Variants in CACNA1D observed in about 807,000 individuals in gnomAD.
The protein encoded by CACNA1D is calcium voltage-gated channel subunit alpha1 D.
A neutral mutation model predicts 257.1 loss-of-function variants in CACNA1D; 55 were observed. That is an observed-to-expected ratio of 0.21 (90% CI 0.17 to 0.27). The LOEUF (loss-of-function observed/expected upper bound fraction) is 0.27. Ranked by LOEUF, CACNA1D falls within the 10% of genes least tolerant of loss-of-function variation. The pLI, the probability that CACNA1D is intolerant of heterozygous loss-of-function variation, is 1.00. For synonymous variants in CACNA1D, 980 were observed against 1,014.9 expected (o/e 0.97, Z 0.65); for missense variants, 1,876 against 2,784.0 (o/e 0.67, Z 7.34).
At chr3:53,561,355 G>A (rs2092735398) in intron 3 of CACNA1D, among the ~76,000 whole-genome samples, 1 of 152,080 alleles carries the variant, frequency 6.6e-6, no homozygotes, top group Admixed American at 6.5e-5. Context: ...CATAACTCTG[G>A]GCAAACCTCT....
chr3:53,682,556 TA>T (rs56756710), intron 8 of CACNA1D, among the ~76,000 whole-genome samples: 46,022 of 143,728 alleles, frequency 0.32, 7,158 homozygotes, highest in Middle Eastern at 0.4. Context: ...GACCCTGTCT[TA>T]AAAAAAAAAA....
At chr3:53,738,313 T>G (rs1385504019) in intron 20 of CACNA1D, among the ~76,000 whole-genome samples, 1 of 152,192 alleles carries the variant, frequency 6.6e-6, no homozygotes, top group Non-Finnish European at 1.5e-5. Context: ...CACTCCGATA[T>G]GAAGAGAAAA....
chr3:53,572,878 T>C (rs1559860379), intron 3 of CACNA1D, among the ~76,000 whole-genome samples: 3 of 152,156 alleles, frequency 2.0e-5, no homozygotes, highest in Non-Finnish European at 4.4e-5. Flanking sequence ...TAGACCATCT[T>C]TATATGAACA....
At chr3:53,555,052 A>G (rs1430244151) in intron 3 of CACNA1D, among the ~76,000 whole-genome samples, 1 of 152,234 alleles carries the variant, frequency 6.6e-6, no homozygotes, top group Non-Finnish European at 1.5e-5. Context: ...ATGAAATAGA[A>G]TGAAGGTGAA....
chr3:53,708,939 G>A (rs2094720717), intron 9 of CACNA1D, among the ~76,000 whole-genome samples: 1 of 152,142 alleles, frequency 6.6e-6, no homozygotes, highest in African/African-American at 2.4e-5. Flanking sequence ...TATTTCCCAT[G>A]TTTTTAAAGC....
At chr3:53,716,916 A>T (rs2094825246) in intron 9 of CACNA1D, among the ~76,000 whole-genome samples, 1 of 152,168 alleles carries the variant, frequency 6.6e-6, no homozygotes, top group South Asian at 2.1e-4. Flanking sequence ...TGTTACCTTT[A>T]TGAAGTCTGC....
intron 28 of CACNA1D, 34 bp from the exon 29 acceptor site, chr3:53,753,538 G>A (rs1419438608): frequency 2.2e-6 from 3 of 1,361,490 alleles, no homozygotes; most frequent in Non-Finnish European, 2.1e-6. Flanking sequence ...CGTGGCTGAG[G>A]CTCTGAGAAC....
intron 3 of CACNA1D, among the ~76,000 whole-genome samples, chr3:53,602,874 A>C (rs1209031864): frequency 1.3e-5 from 2 of 152,170 alleles, no homozygotes; most frequent in African/African-American, 4.8e-5. Context: ...GATACTTTGC[A>C]AATGTTTTCT....
At chr3:53,607,695 C>T (rs2093530338) in intron 3 of CACNA1D, among the ~76,000 whole-genome samples, 1 of 152,204 alleles carries the variant, frequency 6.6e-6, no homozygotes. Context: ...CTCTATGATT[C>T]ATTTTGAGAT....
chr3:53,583,321 C>G (rs2093162532), intron 3 of CACNA1D, among the ~76,000 whole-genome samples: 1 of 152,002 alleles, frequency 6.6e-6, no homozygotes, highest in Admixed American at 6.5e-5. Flanking sequence ...CTGGTCCCTA[C>G]CTGACCCTCC....
rs186968009 is a variant in CACNA1D, at chr3:53,732,893, T to G, written c.2552T>G (p.Leu851Trp). ...CCCCGTCCTCGAAGGATCTCGGAGT[T>G]GAACATGAAGGAAAAAATTGCCCCC... Reference protein sequence around the residue: ...AGPRPRRISELNMKEKIAPIP... With the variant: ...AGPRPRRISEWNMKEKIAPIP... The change falls in exon 19 of 48, where the codon TTG becomes TGG. Residue 851 changes from leucine (L) to tryptophan (W), a missense_variant. By Grantham distance (61) the Leu-to-Trp change is moderately conservative (BLOSUM62 -2). This residue lies in a region of CACNA1D where 271 missense variants were observed against 425.5 expected (regional missense o/e 0.64). Coordinates refer to ENST00000350061, the MANE Select transcript of CACNA1D (RefSeq NM_001128840.3). 625 of 1,613,992 alleles carry G rather than the reference T, an allele frequency of 3.9e-4. No homozygotes were observed. Among genetic ancestry groups the G allele is most frequent in the South Asian group, 3.0e-3 (273 of 91,076 alleles).
chr3:53,741,010 C>G (rs541322033), intron 21 of CACNA1D, among the ~76,000 whole-genome samples: 1 of 152,200 alleles, frequency 6.6e-6, no homozygotes, highest in Non-Finnish European at 1.5e-5. Flanking sequence ...TACATTTACA[C>G]AAAAGGAGCG....
chr3:53,752,740 A>G (rs193131673), intron 28 of CACNA1D, among the ~76,000 whole-genome samples: 156 of 152,314 alleles, frequency 1.0e-3, no homozygotes, highest in African/African-American at 3.4e-3. Context: ...AGTAACACTC[A>G]ATGTTGGAAA....
chr3:53,546,381 G>GA (rs2092413605), intron 3 of CACNA1D, among the ~76,000 whole-genome samples: 1 of 151,422 alleles, frequency 6.6e-6, no homozygotes, highest in Non-Finnish European at 1.5e-5. Context: ...TTGGGGTAGG[G>GA]TTCCCCAAAC....
chr3:53,690,424 C>T (rs1327273358), intron 8 of CACNA1D, among the ~76,000 whole-genome samples: 2 of 152,238 alleles, frequency 1.3e-5, no homozygotes, highest in Non-Finnish European at 2.9e-5. Context: ...GGACAAGTCT[C>T]ATTTGAGCTC....
In CACNA1D at chr3:53,735,421, A is replaced by G. The variant is rs775695179; in HGVS notation, c.2669A>G (p.Asn890Ser). The G allele has an allele frequency of 6.2e-7, 1 of 1,613,858 alleles. No individual in the cohort carries two copies. Among genetic ancestry groups the G allele is most frequent in the Non-Finnish European group, 8.5e-7 (1 of 1,179,836 alleles). ...HKLINHHIFT[N>S]LILVFIMLSS... ...CTCATCAACCACCACATCTTCACCAACCTCATCCTTGTCTTCATCATGCTG... is the reference window on the plus strand; with the variant it reads ...CTCATCAACCACCACATCTTCACCAGCCTCATCCTTGTCTTCATCATGCTG... The change falls in exon 20 of 48, where the codon AAC (asparagine) becomes AGC (serine). Residue 890 changes from asparagine to serine, a missense_variant. Around this residue, in one of 10 missense-constraint regions of CACNA1D, gnomAD observed 271 missense variants for 425.5 expected, o/e 0.64. Transcript: ENST00000350061.
intron 3 of CACNA1D, among the ~76,000 whole-genome samples, chr3:53,543,559 A>G (rs1428392738): frequency 6.6e-6 from 1 of 152,236 alleles, no homozygotes; most frequent in African/African-American, 2.4e-5. Flanking sequence ...TGAGACAAAC[A>G]TGAAGAATAA....
chr3:53,543,444 C>G (rs1462746700), intron 3 of CACNA1D, among the ~76,000 whole-genome samples: 1 of 150,274 alleles, frequency 6.7e-6, no homozygotes, highest in East Asian at 1.9e-4. Context: ...TCAGGGCCCT[C>G]TCTTTGGTAG....
chr3:53,642,238 G>C (rs1234597057), intron 3 of CACNA1D, among the ~76,000 whole-genome samples: 1 of 152,194 alleles, frequency 6.6e-6, no homozygotes, highest in Non-Finnish European at 1.5e-5. Flanking sequence ...CTTGGTGGGT[G>C]TTAGCTCTTC....
Sources: gnomAD v4.1 joint callset for allele counts (sites outside exome capture counted in the v4.1 genomes callset) on GRCh38, gnomAD v4.1.1 for gene constraint, gnomAD v4.1.1 regional missense constraint, MANE v1.5 for transcripts, NCBI Gene and HGNC (gene_info 2026-07-23, HGNC 2026-07-21) for gene names.